The following UGT1A3 variants were observed in gnomAD, a reference collection of about 807,000 sequenced individuals.
The protein encoded by UGT1A3 is UDP-glucuronosyltransferase 1A3.
Under a neutral mutation model 41.0 loss-of-function variants are expected in UGT1A3, and 31 were observed. The observed-to-expected ratio is 0.76, with a 90% CI of 0.57 to 1.02. The LOEUF (loss-of-function observed/expected upper bound fraction) is 1.02. Among genes scored for constraint, UGT1A3 ranks in the 50% least tolerant of loss-of-function variants. The pLI, the probability that UGT1A3 is intolerant of heterozygous loss-of-function variation, is 0.00. For missense variants in UGT1A3, 737 were observed against 671.0 expected (o/e 1.10, Z -1.09); for synonymous variants, 262 against 257.6 (o/e 1.02, Z -0.17).
At position 233,744,183 on chromosome 2, in the gene UGT1A3, A is replaced by G. The variant is rs1026910418; in HGVS notation, c.867+14190A>G. 8.6e-5 allele frequency among the ~76,000 whole-genome samples: 13 copies of G among 151,842 alleles called. 1 individual carries two copies. The highest frequency in any genetic ancestry group is 2.7e-4 in the African/African-American group (11 of 41,106). On this transcript the variant is annotated intron_variant, in intron 1 of 4. Transcript: ENST00000482026. Reference sequence around the variant, plus strand: ...CGCCCACTCCGGCCTCCAACCAGCCATGGTCTCCAAAAAGGATGGGAAAAA... The same window carrying G: ...CGCCCACTCCGGCCTCCAACCAGCCGTGGTCTCCAAAAAGGATGGGAAAAA...
chr2:233,760,963 G>A (rs761943511), intron 1 of UGT1A3: 5 of 1,614,162 alleles, frequency 3.1e-6, no homozygotes, highest in African/African-American at 1.3e-5. Flanking sequence ...GTGCGACGTG[G>A]TTTATTCCCC....
intron 1 of UGT1A3, chr2:233,743,832 T>TG (rs1692537259): frequency 7.3e-7 from 1 of 1,367,134 alleles, no homozygotes; most frequent in South Asian, 1.1e-5. Flanking sequence ...GGGTGCCACT[T>TG]GAGCGCCAGC....
intron 2 of UGT1A3, 138 bp from the exon 3 acceptor site, chr2:233,767,711 C>A: frequency 2.6e-6 from 4 of 1,531,084 alleles, no homozygotes; most frequent in Non-Finnish European, 3.5e-6. Context: ...TCCTCAGAAG[C>A]CTTCACAGTT....
At chr2:233,748,178 G>T (rs1693885819) in intron 1 of UGT1A3, 1 of 1,580,774 alleles carries the variant, frequency 6.3e-7, no homozygotes, top group Non-Finnish European at 8.6e-7. Context: ...TATCTTTCTG[G>T]TGCTTTTATT....
chr2:233,755,236 G>C (rs1242283792), intron 1 of UGT1A3: 2 of 905,678 alleles, frequency 2.2e-6, no homozygotes, highest in Non-Finnish European at 3.3e-6. Flanking sequence ...GAGGCCTACC[G>C]GGGTACTCCC....
At chr2:233,742,331 G>A (rs1268078196) in intron 1 of UGT1A3, among the ~76,000 whole-genome samples, 3 of 151,974 alleles carry the variant, frequency 2.0e-5, no homozygotes, top group South Asian at 4.1e-4. Context: ...GAAACAAAGG[G>A]ATGGGCTCTG....
intron 4 of UGT1A3, 90 bp downstream of exon 4, chr2:233,768,529 G>A (rs1019700183): frequency 2.7e-6 from 4 of 1,508,186 alleles, no homozygotes; most frequent in Non-Finnish European, 3.5e-6. Flanking sequence ...GCATTTAATA[G>A]CGTTGTTTCA....
At chr2:233,755,244 C>T (rs952358626) in intron 1 of UGT1A3, 19 of 852,102 alleles carry the variant, frequency 2.2e-5, no homozygotes, top group African/African-American at 5.1e-5. Flanking sequence ...CCGGGGTACT[C>T]CCAGCACCTC....
intron 1 of UGT1A3, chr2:233,756,296 T>C (rs1295271846): frequency 6.6e-6 from 1 of 152,242 alleles, no homozygotes; most frequent in Non-Finnish European, 1.5e-5. Flanking sequence ...ACAGTATTTG[T>C]ATATAACCTA....
chr2:233,754,991 G>C (rs1247616121), intron 1 of UGT1A3: 1 of 1,294,814 alleles, frequency 7.7e-7, no homozygotes, highest in African/African-American at 1.5e-5. Context: ...CGGGGTCACG[G>C]AAGCTGAAGA....
intron 1 of UGT1A3, chr2:233,755,146 C>A: frequency 7.7e-7 from 1 of 1,304,902 alleles, no homozygotes; most frequent in Non-Finnish European, 1.0e-6. Flanking sequence ...CTTCTCACCG[C>A]TTCCTCCCTG....
intron 1 of UGT1A3, among the ~76,000 whole-genome samples, chr2:233,737,451 G>T (rs1349834753): frequency 6.6e-6 from 1 of 152,156 alleles, no homozygotes. Context: ...GTTTTTCCAG[G>T]TACAGTCTGT....
At chr2:233,732,416 TTTC>T (rs1325833889) in intron 1 of UGT1A3, among the ~76,000 whole-genome samples, 1 of 152,362 alleles carries the variant, frequency 6.6e-6, no homozygotes, top group East Asian at 1.9e-4. Context: ...TTGCCTAGGT[TTTC>T]TTCTAGGATT....
chr2:233,744,809 C>T (rs1203148811), intron 1 of UGT1A3, among the ~76,000 whole-genome samples: 1 of 151,860 alleles, frequency 6.6e-6, no homozygotes. Context: ...CCTAGGATTT[C>T]CTGGCTCATA....
At chr2:233,760,437 G>A (rs1351570136) in intron 1 of UGT1A3, 1 of 1,614,104 alleles carries the variant, frequency 6.2e-7, no homozygotes, top group East Asian at 2.2e-5. Flanking sequence ...TCCAGCAGCT[G>A]CAGCAGAGGG....
intron 1 of UGT1A3, among the ~76,000 whole-genome samples, chr2:233,761,384 C>T (rs564518186): frequency 1.3e-5 from 2 of 152,326 alleles, no homozygotes; most frequent in South Asian, 4.1e-4. Flanking sequence ...ACTCTGTGTG[C>T]TCCAGTGGAT....
intron 1 of UGT1A3, among the ~76,000 whole-genome samples, chr2:233,748,320 G>T (rs1427281151): frequency 6.6e-6 from 1 of 151,764 alleles, no homozygotes; most frequent in Non-Finnish European, 1.5e-5. Flanking sequence ...GACTAGGACT[G>T]ATGTGACTCA....
chr2:233,737,526 G>A (rs574961545), intron 1 of UGT1A3, among the ~76,000 whole-genome samples: 8 of 152,286 alleles, frequency 5.3e-5, no homozygotes, highest in East Asian at 3.9e-4. Context: ...GTGAGGCGAC[G>A]CCCTGCCCTG....
At chr2:233,736,365 T>C (rs969556096) in intron 1 of UGT1A3, among the ~76,000 whole-genome samples, 1 of 152,210 alleles carries the variant, frequency 6.6e-6, no homozygotes, top group Non-Finnish European at 1.5e-5. Context: ...CTCCATCAGG[T>C]CATTTAAGGT....
Sources: gnomAD v4.1 joint callset for allele counts (sites outside exome capture counted in the v4.1 genomes callset) on GRCh38, gnomAD v4.1.1 for gene constraint, MANE v1.5 for transcripts, NCBI Gene and HGNC (gene_info 2026-07-23, HGNC 2026-07-21) for gene names.